Variants in FIBCD1 observed in about 807,000 individuals in gnomAD.
The protein encoded by FIBCD1 is fibrinogen C domain-containing protein 1.
In FIBCD1, 47 loss-of-function variants were observed where a neutral mutation model predicts 45.1. That is an observed-to-expected ratio of 1.04 (90% CI 0.82 to 1.33). The LOEUF (loss-of-function observed/expected upper bound fraction) is 1.33. Among genes scored for constraint, FIBCD1 ranks in the 40% most tolerant of loss-of-function variants. The pLI is 0.00. For missense variants in FIBCD1, 653 were observed against 682.2 expected (o/e 0.96, Z 0.48); for synonymous variants, 313 against 308.1 (o/e 1.02, Z -0.17).
intron 5 of FIBCD1, among the ~76,000 whole-genome samples, chr9:130,908,899 GCA>G (rs1831985653): frequency 6.6e-6 from 1 of 152,102 alleles, no homozygotes; most frequent in South Asian, 2.1e-4. Context: ...GGGCCTCCAT[GCA>G]CACAGAGGGG....
chr9:130,938,467 G>A (rs1832555809), intron 1 of FIBCD1, 69 bp downstream of exon 1: 5 of 1,334,402 alleles, frequency 3.7e-6, no homozygotes, highest in Non-Finnish European at 3.9e-6. Context: ...ATGGGTGCTC[G>A]CCCCGCCGGC....
At chr9:130,930,619 C>T (rs921754292) in intron 1 of FIBCD1, among the ~76,000 whole-genome samples, 15 of 152,216 alleles carry the variant, frequency 9.9e-5, no homozygotes, top group Non-Finnish European at 1.9e-4. Context: ...CAGGGACCCA[C>T]GGTCACCTGT....
rs376634045 is a variant in FIBCD1, at chr9:130,929,822, G to A, written c.297C>T (p.Pro99=). ...HLSILIDPRC[P]DLTDSFARLE... is the part of the protein sequence containing the mutation. Reference sequence around the variant, plus strand: ...GGCGTGCGAAGCTGTCGGTGAGGTCGGGGCAGCGCGGGTCAATGAGGATGC... The same window carrying A: ...GGCGTGCGAAGCTGTCGGTGAGGTCAGGGCAGCGCGGGTCAATGAGGATGC... The change falls in exon 2 of 7, where the codon CCC becomes CCT. Residue 99 remains proline, a synonymous_variant. Coordinates refer to ENST00000372338, the MANE Select transcript of FIBCD1 (RefSeq NM_032843.5). 2.3e-5 allele frequency: 35 copies of A among 1,550,150 alleles called. No individual in the cohort carries two copies. The highest frequency in any genetic ancestry group is 1.6e-4 in the Admixed American group (8 of 51,034).
At chr9:130,935,480 GCAACTTGTC>G (rs1244940265) in intron 1 of FIBCD1, among the ~76,000 whole-genome samples, 1 of 152,234 alleles carries the variant, frequency 6.6e-6, no homozygotes, top group Admixed American at 6.5e-5. Context: ...GTCCAAATCG[GCAACTTGTC>G]CAAGGTCGCC....
intron 4 of FIBCD1, among the ~76,000 whole-genome samples, chr9:130,914,726 C>T (rs1362693451): frequency 6.6e-6 from 1 of 152,212 alleles, no homozygotes; most frequent in Non-Finnish European, 1.5e-5. Flanking sequence ...CCAGCGCTCA[C>T]TCCCACCACT....
Position 130,926,425 on chromosome 9 carries a change from C to A in FIBCD1, c.553-2029G>T, listed in dbSNP as rs1266832442. On this transcript the variant is annotated intron_variant, in intron 2 of 6. Transcript: ENST00000372338. The surrounding 1 kb of genome is among the most constrained non-coding windows in gnomAD (Gnocchi z 4.1). ...CAGGGGAGGGCTGGACAGCGCTTAGCGGTAGTGGTGTCAGAGCTGCTGTCC... is the reference window on the plus strand; with the variant it reads ...CAGGGGAGGGCTGGACAGCGCTTAGAGGTAGTGGTGTCAGAGCTGCTGTCC... Among the ~76,000 whole-genome samples the A allele has an allele frequency of 1.3e-5, 2 of 152,214 alleles. No individual in the cohort carries two copies. The highest frequency in any genetic ancestry group is 3.8e-4 in the East Asian group (2 of 5,202).
intron 4 of FIBCD1, among the ~76,000 whole-genome samples, chr9:130,912,140 CAGGG>C (rs1174828369): frequency 1.3e-5 from 2 of 152,040 alleles, no homozygotes; most frequent in African/African-American, 4.8e-5. Context: ...GACGGCTCCT[CAGGG>C]AGGAATTCCA....
chr9:130,922,392 G>C lies in FIBCD1; in HGVS notation c.849+1352C>G, dbSNP rs1832276677. On this transcript the variant is annotated intron_variant, in intron 4 of 6. Transcript: ENST00000372338. The surrounding 1 kb of genome is among the most constrained non-coding windows in gnomAD (Gnocchi z 4.5). The stretch of plus-strand genomic sequence containing the variant: ...CTGAGCCCCCCACTTTCTTGTGCTT[G>C]CAGTTAAGAGGTCTAAGGATGTAGG... 4.6e-5 allele frequency among the ~76,000 whole-genome samples: 7 copies of C among 152,164 alleles called. No homozygotes were observed. The South Asian group carries it at 1.4e-3, about 32-fold the overall frequency.
intron 4 of FIBCD1, among the ~76,000 whole-genome samples, chr9:130,915,658 C>T (rs190578180): frequency 5.3e-5 from 8 of 152,232 alleles, no homozygotes; most frequent in African/African-American, 9.6e-5. Flanking sequence ...GCCGAGATCG[C>T]GCCACTGCAC....
In FIBCD1 at chr9:130,924,288, C is replaced by A. The variant is rs374009597; in HGVS notation, c.661G>T (p.Asp221Tyr). 2.5e-6 allele frequency: 4 copies of A among 1,603,268 alleles called. No individual in the cohort carries two copies. Among genetic ancestry groups the A allele is most frequent in the South Asian group, 1.1e-5 (1 of 88,842 alleles). Residue 221 changes from aspartate (D) to tyrosine (Y), a missense_variant, in exon 3 of 7, where the codon GAC becomes TAC. Coordinates refer to ENST00000372338, the MANE Select transcript of FIBCD1 (RefSeq NM_032843.5). Reference sequence around the variant, plus strand: ...CCCCGGGCAGGCGCTCTCTGAAGGTCGGCCTTGTTGCGGGGCCGGCCCAGC... The same window carrying A: ...CCCCGGGCAGGCGCTCTCTGAAGGTAGGCCTTGTTGCGGGGCCGGCCCAGC... The part of the protein sequence containing the change: ...RGLGRPRNKA[D>Y]LQRAPARGTR...
intron 4 of FIBCD1, among the ~76,000 whole-genome samples, chr9:130,916,548 T>C (rs902609469): frequency 1.3e-5 from 2 of 152,158 alleles, no homozygotes; most frequent in Admixed American, 6.5e-5. Context: ...CAGCTTCCCG[T>C]GTGGGGGAAT....
rs565776494 is a variant in FIBCD1 at position 130,916,150 on chromosome 9, T to C, written c.850-4262A>G. 3.9e-5 allele frequency among the ~76,000 whole-genome samples: 6 copies of C among 152,318 alleles called. No homozygotes were observed. The East Asian group carries it at 9.7e-4, about 25-fold the overall frequency. ...TTCACGATCTTGGCCAGGATGGTCT[T>C]GAACACCTGACCTTGTGATCCACCC... On this transcript the variant is annotated intron_variant, in intron 4 of 6. Coordinates refer to ENST00000372338, the MANE Select transcript of FIBCD1 (RefSeq NM_032843.5).
intron 4 of FIBCD1, among the ~76,000 whole-genome samples, chr9:130,919,134 C>T (rs143874239): frequency 3.2e-3 from 481 of 152,326 alleles, no homozygotes; most frequent in Admixed American, 9.1e-3. Flanking sequence ...ACGGCGGGCG[C>T]GGGGCTGGGC....
At chr9:130,904,656 AG>A (rs1280749577) in intron 6 of FIBCD1, among the ~76,000 whole-genome samples, 1 of 152,116 alleles carries the variant, frequency 6.6e-6, no homozygotes, top group African/African-American at 2.4e-5. Flanking sequence ...AACCCAGCCC[AG>A]GGGGGTCCAG....
At chr9:130,920,289 A>G (rs910683206) in intron 4 of FIBCD1, among the ~76,000 whole-genome samples, 7 of 152,192 alleles carry the variant, frequency 4.6e-5, no homozygotes, top group Admixed American at 3.3e-4. Flanking sequence ...AGATGCTACA[A>G]GGCAGAGCCA....
At chr9:130,909,900 G>A (rs1468088667) in intron 5 of FIBCD1, among the ~76,000 whole-genome samples, 2 of 152,234 alleles carry the variant, frequency 1.3e-5, no homozygotes, top group Admixed American at 1.3e-4. Flanking sequence ...GCAGGAAGGC[G>A]TGCGGTTGCC....
At chr9:130,931,243 G>A (rs76234059) in intron 1 of FIBCD1, among the ~76,000 whole-genome samples, 3,344 of 152,340 alleles carry the variant, frequency 0.022, 124 homozygotes, top group African/African-American at 0.076. Flanking sequence ...CGGCGAGGTA[G>A]CTCACGCCTG....
intron 4 of FIBCD1, among the ~76,000 whole-genome samples, chr9:130,914,460 C>A (rs1832120693): frequency 6.6e-6 from 1 of 152,198 alleles, no homozygotes; most frequent in Non-Finnish European, 1.5e-5. Flanking sequence ...GCAGGGTGGC[C>A]CTGGAGGAGG....
Position 130,904,164 on chromosome 9 carries a change from G to C in FIBCD1, c.1286C>G (p.Ala429Gly). ...LNGQYLRGAH[A>G]SYADGVEWSS... ...CCACTCCACGCCGTCGGCATAGGAG[G>C]CGTGCGCACCGCGCAGGTACTGCCC... Residue 429 changes from alanine (A) to glycine (G), a missense_variant, in exon 7 of 7, where the codon GCC becomes GGC. Physicochemically the swap from Ala to Gly is moderately conservative, Grantham distance 60. Transcript: ENST00000372338. 6.2e-7 allele frequency: 1 copy of C among 1,613,658 alleles called. No homozygotes were observed. Among genetic ancestry groups the C allele is most frequent in the East Asian group, 2.2e-5 (1 of 44,868 alleles).
Sources: gnomAD v4.1 joint callset for allele counts (sites outside exome capture counted in the v4.1 genomes callset) on GRCh38, gnomAD v4.1.1 for gene constraint, Gnocchi (gnomAD v3.1) non-coding constraint, MANE v1.5 for transcripts, NCBI Gene and HGNC (gene_info 2026-07-23, HGNC 2026-07-21) for gene names.